Variants in LARP4 observed in about 807,000 individuals in gnomAD.
The protein encoded by LARP4 is La ribonucleoprotein 4, also known as la-related protein 4.
In LARP4, 29 loss-of-function variants were observed where a neutral mutation model predicts 92.9. That is an observed-to-expected ratio of 0.31 (90% CI 0.23 to 0.43). LARP4 has a LOEUF of 0.43. Ranked by LOEUF, LARP4 falls within the 20% of genes least tolerant of loss-of-function variation. The probability of loss-of-function intolerance (pLI) is 1.00; values close to 1 mark genes in which losing one functional copy is unlikely to be tolerated. For synonymous variants in LARP4, 279 were observed against 284.1 expected (o/e 0.98, Z 0.18); for missense variants, 732 against 860.0 (o/e 0.85, Z 1.86).
At chr12:50,459,498 C>T (rs955823761) in intron 10 of LARP4, among the ~76,000 whole-genome samples, 5 of 152,030 alleles carry the variant, frequency 3.3e-5, no homozygotes, top group African/African-American at 7.2e-5. Flanking sequence ...CCTTCGCCCC[C>T]GTTTTTACTC....
intron 13 of LARP4, among the ~76,000 whole-genome samples, chr12:50,468,356 C>T (rs750984836): frequency 1.3e-4 from 19 of 149,746 alleles, no homozygotes; most frequent in Admixed American, 9.4e-4. Flanking sequence ...TACATTGGTG[C>T]GATCTCTGCT....
chr12:50,460,757 G>A (rs1030593498), intron 10 of LARP4, among the ~76,000 whole-genome samples: 6 of 152,070 alleles, frequency 3.9e-5, no homozygotes, highest in African/African-American at 1.4e-4. Flanking sequence ...TGGCTAACAC[G>A]GTGAAACCCC....
At chr12:50,472,157 C>T (rs1200193579) in intron 13 of LARP4, among the ~76,000 whole-genome samples, 1 of 152,114 alleles carries the variant, frequency 6.6e-6, no homozygotes, top group Non-Finnish European at 1.5e-5. Flanking sequence ...GGGCTCTTTT[C>T]TAAATTCTAT....
intron 1 of LARP4, among the ~76,000 whole-genome samples, chr12:50,425,404 CTG>C (rs1217386156): frequency 6.6e-6 from 1 of 152,146 alleles, no homozygotes; most frequent in Non-Finnish European, 1.5e-5. Context: ...AGGCACCTAT[CTG>C]GTATTCTCAG....
chr12:50,441,829 G>C (rs1173974010), intron 8 of LARP4, among the ~76,000 whole-genome samples, 186 bp downstream of exon 8: 1 of 152,180 alleles, frequency 6.6e-6, no homozygotes, highest in Non-Finnish European at 1.5e-5. Flanking sequence ...CAGGTGGATA[G>C]CATGACGCCA....
intron 8 of LARP4, among the ~76,000 whole-genome samples, chr12:50,452,269 G>A (rs922255410): frequency 6.6e-6 from 1 of 151,930 alleles, no homozygotes; most frequent in African/African-American, 2.4e-5. Context: ...GCTGGAGTGC[G>A]GTGGCACAAT....
At chr12:50,437,938 ACAAG>A (rs756331645) in intron 6 of LARP4, 100 bp downstream of exon 6, 27 of 679,154 alleles carry the variant, frequency 4.0e-5, no homozygotes, top group African/African-American at 5.4e-5. Context: ...GAAGAGGTAC[ACAAG>A]CAAAGCATAA....
intron 1 of LARP4, among the ~76,000 whole-genome samples, chr12:50,414,153 C>T (rs752439727): frequency 1.3e-5 from 2 of 152,080 alleles, no homozygotes; most frequent in Non-Finnish European, 2.9e-5. Flanking sequence ...GAATCTGGGC[C>T]GTTGAATAGG....
chr12:50,428,818 A>G (rs535586764), intron 2 of LARP4, 117 bp from the exon 3 acceptor site: 4 of 704,672 alleles, frequency 5.7e-6, no homozygotes, highest in African/African-American at 1.8e-5. Flanking sequence ...CCATGCGGAC[A>G]TATTTCAAAC....
intron 1 of LARP4, among the ~76,000 whole-genome samples, chr12:50,421,062 G>A (rs183965526): frequency 7.0e-6 from 1 of 142,406 alleles, no homozygotes; most frequent in Admixed American, 7.9e-5. Flanking sequence ...CGATTCTACT[G>A]CCTCAGCTTC....
chr12:50,475,616 T>C lies in LARP4; in HGVS notation c.1927T>C (p.Ser643Pro). 1 of 1,614,098 alleles carries C rather than the reference T, an allele frequency of 6.2e-7. No homozygotes were observed. Among genetic ancestry groups the C allele is most frequent in the Non-Finnish European group, 8.5e-7 (1 of 1,180,016 alleles). ...VLVQPLRELR[S>P]NVVSPTKNED... ...TGTGCAGCCACTACGGGAACTTCGC[T>C]CCAATGTGGTGTCTCCCACCAAAAA... The change falls in exon 16 of 16, where the codon TCC becomes CCC. Residue 643 changes from serine (S) to proline (P), a missense_variant. This residue lies in a region of LARP4 where 115 missense variants were observed against 129.1 expected (regional missense o/e 0.89). Coordinates refer to ENST00000398473, the MANE Select transcript of LARP4 (RefSeq NM_052879.5).
intron 9 of LARP4, among the ~76,000 whole-genome samples, chr12:50,453,916 T>C (rs1363026895): frequency 6.6e-6 from 1 of 152,124 alleles, no homozygotes; most frequent in African/African-American, 2.4e-5. Context: ...TACAAGCCAC[T>C]ATGCCCGGCC....
At chr12:50,447,187 A>G (rs1227370081) in intron 8 of LARP4, among the ~76,000 whole-genome samples, 1 of 152,240 alleles carries the variant, frequency 6.6e-6, no homozygotes, top group Non-Finnish European at 1.5e-5. Flanking sequence ...AATGCTCATT[A>G]GAGCCTTTTG....
chr12:50,452,024 A>C (rs993832149), intron 8 of LARP4, among the ~76,000 whole-genome samples: 2 of 151,682 alleles, frequency 1.3e-5, no homozygotes, highest in African/African-American at 4.8e-5. Context: ...TAAATAAACA[A>C]CTGAATGGTA....
chr12:50,457,935 C>CTT (rs58926495), intron 10 of LARP4, among the ~76,000 whole-genome samples: 1,497 of 140,114 alleles, frequency 0.011, 29 homozygotes, highest in African/African-American at 0.037. Flanking sequence ...CTCAACCCAA[C>CTT]TTTTTTTTTT....
chr12:50,408,959 A>G (rs912345182), intron 1 of LARP4, among the ~76,000 whole-genome samples: 3 of 152,088 alleles, frequency 2.0e-5, no homozygotes, highest in Non-Finnish European at 2.9e-5. Context: ...TCTGGGCAAC[A>G]TAGTGACACC....
chr12:50,470,951 G>T (rs1290356192), intron 13 of LARP4, among the ~76,000 whole-genome samples: 1 of 151,940 alleles, frequency 6.6e-6, no homozygotes, highest in Non-Finnish European at 1.5e-5. Context: ...AGGCTTTGTG[G>T]GCCATGTATT....
chr12:50,476,008 G>C lies in LARP4; in HGVS notation c.*144G>C, dbSNP rs1957507065. 1 of 651,690 alleles carries C rather than the reference G, an allele frequency of 1.5e-6. No homozygotes were observed. The allele number at this position is 651,690 out of a possible 1,614,324, so 40.4% of individuals were successfully genotyped here. A position where few individuals can be genotyped will look rare whatever the true frequency, so the allele number is the denominator to read the frequency against. ...ATTTCATTATGGATTTTGGAGTTGT[G>C]AGTGATAGGATCCCAAAATTCATCT... On this transcript the variant is annotated 3_prime_UTR_variant, in exon 16 of 16. Transcript: ENST00000398473.
intron 10 of LARP4, among the ~76,000 whole-genome samples, chr12:50,459,961 A>G (rs982557258): frequency 1.3e-5 from 2 of 150,496 alleles, no homozygotes; most frequent in Non-Finnish European, 1.5e-5. Flanking sequence ...ACATGGCAAA[A>G]CCCTGTCTCT....
Sources: allele counts gnomAD v4.1 joint callset (sites outside exome capture counted in the v4.1 genomes callset), GRCh38; gene constraint gnomAD v4.1.1; regional missense constraint gnomAD v4.1.1; transcripts MANE v1.5; gene names NCBI Gene and HGNC (gene_info 2026-07-23, HGNC 2026-07-21).